KCNIP4: variants seen among roughly 807,000 people sequenced by gnomAD.
KCNIP4 encodes potassium voltage-gated channel interacting protein 4.
Under a neutral mutation model 34.0 loss-of-function variants are expected in KCNIP4, and 12 were observed. The observed-to-expected ratio is 0.35, with a 90% CI of 0.23 to 0.57. The LOEUF (loss-of-function observed/expected upper bound fraction) is 0.57. Ranked by LOEUF, KCNIP4 falls within the 20% of genes least tolerant of loss-of-function variation. The pLI is 0.83. For synonymous variants in KCNIP4, 124 were observed against 102.2 expected (o/e 1.21, Z -1.29); for missense variants, 238 against 311.7 (o/e 0.76, Z 1.78).
chr4:21,049,050 A>C (rs868159009), intron 1 of KCNIP4, among the ~76,000 whole-genome samples: 1 of 141,522 alleles, frequency 7.1e-6, no homozygotes, highest in Admixed American at 7.7e-5. Context: ...TCCCGGGTTC[A>C]CGCCATTCTC....
At chr4:21,319,210 G>C (rs948264746) in intron 1 of KCNIP4, among the ~76,000 whole-genome samples, 2 of 152,164 alleles carry the variant, frequency 1.3e-5, no homozygotes, top group African/African-American at 4.8e-5. Flanking sequence ...GGTCTACCAG[G>C]CATGGCTTGA....
intron 1 of KCNIP4, among the ~76,000 whole-genome samples, chr4:21,684,706 A>C (rs886822759): frequency 1.3e-5 from 2 of 152,202 alleles, no homozygotes; most frequent in Non-Finnish European, 2.9e-5. Flanking sequence ...TCTAGGGTAC[A>C]TGTGCACAAC....
chr4:21,655,756 A>C (rs1747871506), intron 1 of KCNIP4, among the ~76,000 whole-genome samples: 1 of 152,222 alleles, frequency 6.6e-6, no homozygotes, highest in African/African-American at 2.4e-5. Context: ...TAATTGAATG[A>C]GCATATAACA....
At chr4:21,178,289 G>T (rs1430437670) in intron 1 of KCNIP4, among the ~76,000 whole-genome samples, 3 of 152,176 alleles carry the variant, frequency 2.0e-5, no homozygotes, top group Non-Finnish European at 2.9e-5. Flanking sequence ...GTCAATGAAA[G>T]TTCTTTCATC....
chr4:21,198,237 C>T (rs1461912814), intron 1 of KCNIP4, among the ~76,000 whole-genome samples: 1 of 152,112 alleles, frequency 6.6e-6, no homozygotes, highest in African/African-American at 2.4e-5. Context: ...CCATGGAGCC[C>T]TCCTTCAAAT....
intron 1 of KCNIP4, among the ~76,000 whole-genome samples, chr4:21,644,074 GT>G (rs1560587869): frequency 8.4e-6 from 1 of 118,374 alleles, no homozygotes; most frequent in Non-Finnish European, 2.0e-5. Context: ...CGGTGTCCTG[GT>G]TTTAAAAAAA....
chr4:20,838,084 C>T (rs577922629), intron 3 of KCNIP4, among the ~76,000 whole-genome samples: 2 of 152,038 alleles, frequency 1.3e-5, no homozygotes, highest in Admixed American at 6.6e-5. Context: ...TTATTACCAC[C>T]CTTGCATGGG....
intron 1 of KCNIP4, among the ~76,000 whole-genome samples, chr4:20,914,742 T>C (rs1298634470): frequency 2.6e-5 from 4 of 152,208 alleles, no homozygotes; most frequent in Non-Finnish European, 5.9e-5. Flanking sequence ...TATAGTCTGG[T>C]AATGATATCT....
At chr4:21,773,112 A>G (rs1372115501) in intron 1 of KCNIP4, among the ~76,000 whole-genome samples, 2 of 151,610 alleles carry the variant, frequency 1.3e-5, no homozygotes, top group Non-Finnish European at 3.0e-5. Context: ...ATTTTGGTAC[A>G]TTGCCTCTGT....
At chr4:21,422,797 C>G (rs2109633397) in intron 1 of KCNIP4, among the ~76,000 whole-genome samples, 1 of 152,018 alleles carries the variant, frequency 6.6e-6, no homozygotes, top group South Asian at 2.1e-4. Flanking sequence ...GCCACACGGA[C>G]AGAAGTTTAC....
At chr4:21,169,660 TTGTGTGTGTGTG>T (rs58544791) in intron 1 of KCNIP4, among the ~76,000 whole-genome samples, 88 of 136,298 alleles carry the variant, frequency 6.5e-4, no homozygotes, top group African/African-American at 1.8e-3. Flanking sequence ...TACTTTATAT[TTGTGTGTGTGTG>T]TGTGTGTGTG....
In KCNIP4 at chr4:20,817,536, C is replaced by T. The variant is rs11941609; in HGVS notation, c.288+33007G>A. Among the ~76,000 whole-genome samples, 171 of 152,250 alleles carry T rather than the reference C, an allele frequency of 1.1e-3. 1 individual carries two copies. The highest frequency in any genetic ancestry group is 3.7e-3 in the African/African-American group (155 of 41,564). Reference sequence around the variant, plus strand: ...AATCAAATATCACCTTCCCCCTTTTCGCTCCTCTTATGCTGCCTAACAAGC... The same window carrying T: ...AATCAAATATCACCTTCCCCCTTTTTGCTCCTCTTATGCTGCCTAACAAGC... On this transcript the variant is annotated intron_variant, in intron 3 of 8. Coordinates refer to ENST00000382152, the MANE Select transcript of KCNIP4 (RefSeq NM_025221.6).
intron 1 of KCNIP4, among the ~76,000 whole-genome samples, chr4:21,483,544 C>T (rs1731637612): frequency 6.6e-6 from 1 of 151,958 alleles, no homozygotes; most frequent in African/African-American, 2.4e-5. Flanking sequence ...AATCCCAGCA[C>T]TTTGGGAGGC....
rs1560480189 is a variant in KCNIP4, at chr4:21,519,586, A to ATATACACATATGTG, written c.61+428984_61+428985insCACATATGTGTATA. Reference sequence around the variant, plus strand: ...TGTATATATACACATATGTGTGTGTATGTATGTGTATATATACACATATGT... The same window carrying ATATACACATATGTG: ...TGTATATATACACATATGTGTGTGTATATACACATATGTGTGTATGTGTATATATACACATATGT... On this transcript the variant is annotated intron_variant, in intron 1 of 8. Coordinates refer to ENST00000382152, the MANE Select transcript of KCNIP4 (RefSeq NM_025221.6). 9.2e-5 allele frequency among the ~76,000 whole-genome samples: 2 copies of ATATACACATATGTG among 21,844 alleles called. 1 individual carries two copies. Among genetic ancestry groups the ATATACACATATGTG allele is most frequent in the African/African-American group, 3.7e-4 (2 of 5,382 alleles). 14.3% of individuals were successfully genotyped at this position (21,844 alleles called of 152,430 possible).
chr4:21,815,004 G>T (rs1321722984), intron 1 of KCNIP4, among the ~76,000 whole-genome samples: 2 of 152,158 alleles, frequency 1.3e-5, no homozygotes, highest in African/African-American at 2.4e-5. Flanking sequence ...TTATAGAATT[G>T]CTGGGAGTCA....
chr4:21,523,550 G>A lies in KCNIP4; in HGVS notation c.61+425021C>T, dbSNP rs149460160. Among the ~76,000 whole-genome samples, 442 of 149,614 alleles carry A rather than the reference G, an allele frequency of 3.0e-3. 3 individuals are homozygous for A. The highest frequency in any genetic ancestry group is 9.9e-3 in the African/African-American group (401 of 40,614). On this transcript the variant is annotated intron_variant, in intron 1 of 8. Coordinates refer to ENST00000382152, the MANE Select transcript of KCNIP4 (RefSeq NM_025221.6). Reference sequence around the variant, plus strand: ...CTTCTTTGCTTCCTTCCTTCCTTCCGTCCTTCCTTTTACTTTCCTTCTTTC... The same window carrying A: ...CTTCTTTGCTTCCTTCCTTCCTTCCATCCTTCCTTTTACTTTCCTTCTTTC...
intron 1 of KCNIP4, among the ~76,000 whole-genome samples, chr4:21,442,699 C>G (rs1282524494): frequency 6.6e-6 from 1 of 152,156 alleles, no homozygotes; most frequent in Non-Finnish European, 1.5e-5. Context: ...CTCCGCCTCT[C>G]AACACTTGAG....
chr4:21,229,684 T>C (rs1758656825), intron 1 of KCNIP4, among the ~76,000 whole-genome samples: 1 of 152,078 alleles, frequency 6.6e-6, no homozygotes, highest in African/African-American at 2.4e-5. Flanking sequence ...CAGATGACCA[T>C]GTGTTCAGGG....
At chr4:21,575,862 A>G (rs1226113291) in intron 1 of KCNIP4, among the ~76,000 whole-genome samples, 1 of 152,216 alleles carries the variant, frequency 6.6e-6, no homozygotes, top group Non-Finnish European at 1.5e-5. Context: ...AGTCACATAC[A>G]AATCTGCATA....
Sources: gnomAD v4.1 joint callset for allele counts (sites outside exome capture counted in the v4.1 genomes callset) on GRCh38, gnomAD v4.1.1 for gene constraint, MANE v1.5 for transcripts, NCBI Gene and HGNC (gene_info 2026-07-23, HGNC 2026-07-21) for gene names.